Variants in A1CF observed in about 807,000 individuals in gnomAD.
A1CF encodes APOBEC1 complementation factor, also known as APOBEC-1 stimulating protein.
In A1CF, 48 loss-of-function variants were observed where a neutral mutation model predicts 68.9. The observed-to-expected ratio is 0.70, with a 90% CI of 0.55 to 0.89. The LOEUF is 0.89. Among genes scored for constraint, A1CF ranks in the 40% least tolerant of loss-of-function variants. The pLI, the probability that A1CF is intolerant of heterozygous loss-of-function variation, is 0.00. For synonymous variants in A1CF, 272 were observed against 260.4 expected, an observed-to-expected ratio of 1.04 and a Z score of -0.43; for missense variants, 653 against 718.9, an observed-to-expected ratio of 0.91 and a Z score of 1.05.
chr10:50,822,607 C>G (rs142886677), intron 7 of A1CF: 2 of 152,136 alleles, frequency 1.3e-5, no homozygotes, highest in African/African-American at 4.8e-5. Context: ...CTTCAACAGT[C>G]GACCCTTGAC....
chr10:50,837,743 C>G (rs1160730375), intron 5 of A1CF, among the ~76,000 whole-genome samples: 2 of 152,138 alleles, frequency 1.3e-5, no homozygotes, highest in Non-Finnish European at 2.9e-5. Flanking sequence ...CAGTACTGCT[C>G]CTGATTGAGA....
At chr10:50,869,675 C>G (rs1267593266) in intron 1 of A1CF, among the ~76,000 whole-genome samples, 6 of 151,854 alleles carry the variant, frequency 4.0e-5, no homozygotes. Flanking sequence ...AATCAATGTT[C>G]TAGAAGAATA....
At chr10:50,820,477 G>A in intron 8 of A1CF, 75 bp downstream of exon 8, 1 of 1,287,610 alleles carries the variant, frequency 7.8e-7, no homozygotes, top group African/African-American at 1.5e-5. Context: ...AGGCTTGCAG[G>A]ACTGTGCTTT....
At chr10:50,815,415 C>T (rs1429784862) in intron 9 of A1CF, among the ~76,000 whole-genome samples, 1 of 151,946 alleles carries the variant, frequency 6.6e-6, no homozygotes, top group East Asian at 1.9e-4. Flanking sequence ...TTCAGTTCTC[C>T]ATGTATTAAA....
chr10:50,834,747 G>A (rs1272332857), intron 6 of A1CF, among the ~76,000 whole-genome samples: 1 of 152,130 alleles, frequency 6.6e-6, no homozygotes, highest in Non-Finnish European at 1.5e-5. Context: ...TGGTGGTAAT[G>A]TTCAGGATGG....
intron 1 of A1CF, among the ~76,000 whole-genome samples, chr10:50,864,569 T>G (rs893952665): frequency 2.0e-5 from 3 of 152,170 alleles, no homozygotes; most frequent in African/African-American, 7.2e-5. Flanking sequence ...AACACTTGGT[T>G]TAAATGTATC....
intron 11 of A1CF, among the ~76,000 whole-genome samples, chr10:50,810,696 G>C (rs1838065373): frequency 6.6e-6 from 1 of 152,170 alleles, no homozygotes; most frequent in African/African-American, 2.4e-5. Context: ...ATTTTTAGTA[G>C]AGACGGGGTT....
intron 8 of A1CF, 35 bp downstream of exon 8, chr10:50,820,517 G>C (rs774703092): frequency 1.3e-6 from 2 of 1,584,578 alleles, no homozygotes; most frequent in Non-Finnish European, 1.7e-6. Context: ...AAACTTGGAT[G>C]TAATCTGCAT....
intron 12 of A1CF, among the ~76,000 whole-genome samples, chr10:50,808,887 A>G (rs1311829307): frequency 6.6e-6 from 1 of 152,130 alleles, no homozygotes; most frequent in Non-Finnish European, 1.5e-5. Context: ...TATATGAATT[A>G]ATTAATCAAT....
Position 50,816,056 on chromosome 10 carries a change from G to C in A1CF, c.1091C>G (p.Thr364Ser). 6.2e-7 allele frequency: 1 copy of C among 1,613,796 alleles called. No individual in the cohort carries two copies. Among genetic ancestry groups the C allele is most frequent in the Non-Finnish European group, 8.5e-7 (1 of 1,179,834 alleles). ...AAIPSLHFPA[T>S]KGHLSNRAII... The stretch of plus-strand genomic sequence containing the variant: ...GGCTCTGTTGCTGAGATGTCCTTTG[G>C]TGGCTGGGAAATGAAGACTGGGAAT... Residue 364 changes from threonine to serine, a missense_variant, in exon 9 of 13, where the codon ACC (threonine) becomes AGC (serine). By Grantham distance (58) the Thr-to-Ser change is moderately conservative. Coordinates refer to ENST00000373997, the MANE Select transcript of A1CF (RefSeq NM_014576.4).
At chr10:50,850,776 C>A (rs761743211) in intron 3 of A1CF, 1 of 1,613,936 alleles carries the variant, frequency 6.2e-7, no homozygotes, top group Admixed American at 1.7e-5. Flanking sequence ...TGCCCAGACA[C>A]ACTGCTTCCA....
rs1047934102 is a variant in A1CF, at chr10:50,836,309, A to G, written c.369T>C (p.Asn123=). ...TGGCACAAACCCCTAAGAGGCGCCCATTTCTGCAAAAAGAGCAGGGATTTT... is the reference window on the plus strand; with the variant it reads ...TGGCACAAACCCCTAAGAGGCGCCCGTTTCTGCAAAAAGAGCAGGGATTTT... ...IKQLNNYEIR[N]GRLLGVCASV... Residue 123 remains asparagine, a synonymous_variant, in exon 6 of 13, where the codon AAT becomes AAC. Coordinates refer to ENST00000373997, the MANE Select transcript of A1CF (RefSeq NM_014576.4). 2.5e-6 allele frequency: 4 copies of G among 1,608,972 alleles called. No individual in the cohort carries two copies. Among genetic ancestry groups the G allele is most frequent in the Non-Finnish European group, 3.4e-6 (4 of 1,178,506 alleles).
intron 1 of A1CF, among the ~76,000 whole-genome samples, chr10:50,882,013 T>C (rs1468721955): frequency 4.0e-4 from 61 of 152,210 alleles, no homozygotes; most frequent in Non-Finnish European, 1.9e-4. Flanking sequence ...GCTCTCAAGA[T>C]ACCAGCATAT....
intron 5 of A1CF, among the ~76,000 whole-genome samples, chr10:50,840,679 A>G (rs1193504005): frequency 1.3e-5 from 2 of 152,150 alleles, no homozygotes; most frequent in African/African-American, 4.8e-5. Flanking sequence ...ATTGCTATCT[A>G]TATTTAGCTG....
chr10:50,859,781 C>A (rs1840655472), intron 3 of A1CF, 61 bp downstream of exon 3: 1 of 1,469,688 alleles, frequency 6.8e-7, no homozygotes, highest in African/African-American at 1.4e-5. Context: ...TTAGGACCTC[C>A]AATATTCCCA....
At chr10:50,824,189 T>C (rs1838810413) in intron 7 of A1CF, 1 of 151,944 alleles carries the variant, frequency 6.6e-6, no homozygotes, top group African/African-American at 2.4e-5. Flanking sequence ...AAAGAGAAAG[T>C]GAGAGAGTGA....
At chr10:50,830,370 G>A (rs76236912) in intron 6 of A1CF, among the ~76,000 whole-genome samples, 2,002 of 152,214 alleles carry the variant, frequency 0.013, 53 homozygotes, top group African/African-American at 0.045. Context: ...TCTTTGTAAA[G>A]ATTGACTAAT....
intron 3 of A1CF, among the ~76,000 whole-genome samples, chr10:50,854,215 A>G (rs1840377121): frequency 6.6e-6 from 1 of 152,018 alleles, no homozygotes; most frequent in African/African-American, 2.4e-5. Flanking sequence ...AGAAAAACTT[A>G]GAGATTATAC....
intron 2 of A1CF, among the ~76,000 whole-genome samples, chr10:50,862,238 T>C (rs973469507): frequency 2.0e-5 from 3 of 151,936 alleles, no homozygotes; most frequent in African/African-American, 7.3e-5. Context: ...TGGTGGTGCA[T>C]GCCTGTAATC....
Sources: gnomAD v4.1 joint callset for allele counts (sites outside exome capture counted in the v4.1 genomes callset) on GRCh38, gnomAD v4.1.1 for gene constraint, MANE v1.5 for transcripts, NCBI Gene and HGNC (gene_info 2026-07-23, HGNC 2026-07-21) for gene names.